UNC80: variants seen among roughly 807,000 people sequenced by gnomAD.
UNC80 encodes unc-80 subunit of NALCN channel complex.
UNC80 carries 164 observed loss-of-function variants against 384.6 expected under a neutral mutation model. The ratio of observed to expected loss-of-function variants is 0.43; its 90% CI spans 0.38 to 0.49. The LOEUF is 0.49. Among genes scored for constraint, UNC80 ranks in the 20% least tolerant of loss-of-function variants. The pLI is 0.00. For synonymous variants in UNC80, 1,486 were observed against 1,527.8 expected (o/e 0.97, Z 0.64); for missense variants, 3,330 against 4,143.0 (o/e 0.80, Z 5.39).
At chr2:209,965,124 G>A (rs893193791) in intron 51 of UNC80, among the ~76,000 whole-genome samples, 3 of 151,904 alleles carry the variant, frequency 2.0e-5, no homozygotes, top group Non-Finnish European at 4.4e-5. Context: ...GGGAGTGTTT[G>A]GGGGTATAAG....
intron 50 of UNC80, 67 bp from the exon 51 acceptor site, chr2:209,959,422 C>A: frequency 1.4e-6 from 2 of 1,434,732 alleles, no homozygotes; most frequent in Non-Finnish European, 1.9e-6. Context: ...CAGTGTGATA[C>A]CCTCTTCTCA....
Position 209,995,431 on chromosome 2 carries a change from G to T in UNC80, c.9811G>T (p.Asp3271Tyr). The change falls in exon 65 of 65, where the codon GAC becomes TAC. Residue 3271 changes from aspartate (D) to tyrosine (Y), a missense_variant. Asp to Tyr is a radical substitution (Grantham distance 160). Coordinates refer to ENST00000673920, the MANE Select transcript of UNC80 (RefSeq NM_001371986.1). ...PLSAQLSDPD[D>Y]FTGLETSSLL... ...CTCTGCCCAACTCTCTGACCCTGAT[G>T]ACTTCACAGGCCTCGAGACATCCAG... 1.9e-6 allele frequency: 3 copies of T among 1,551,904 alleles called. No individual in the cohort carries two copies. Among genetic ancestry groups the T allele is most frequent in the Non-Finnish European group, 1.7e-6 (2 of 1,147,040 alleles).
intron 23 of UNC80, among the ~76,000 whole-genome samples, chr2:209,875,035 A>G (rs1218438222): frequency 2.0e-5 from 3 of 152,066 alleles, no homozygotes; most frequent in Non-Finnish European, 4.4e-5. Context: ...CATCTCGATG[A>G]TTAAACTTTT....
chr2:209,920,247 C>G (rs1489144375), intron 33 of UNC80, among the ~76,000 whole-genome samples: 2 of 152,186 alleles, frequency 1.3e-5, no homozygotes, highest in Non-Finnish European at 2.9e-5. Flanking sequence ...TAAGATCCTC[C>G]ATAAAGGGAT....
intron 25 of UNC80, among the ~76,000 whole-genome samples, chr2:209,886,325 C>A (rs1376253949): frequency 6.6e-6 from 1 of 151,752 alleles, no homozygotes; most frequent in African/African-American, 2.4e-5. Flanking sequence ...TGGCTGCAAT[C>A]CCAACACTTT....
intron 61 of UNC80, among the ~76,000 whole-genome samples, chr2:209,990,525 A>G (rs2093372547): frequency 6.6e-6 from 1 of 152,196 alleles, no homozygotes; most frequent in Admixed American, 6.5e-5. Context: ...TGAAAAATCC[A>G]TTCCAATGAA....
chr2:209,976,297 G>T lies in UNC80; in HGVS notation c.8766G>T (p.Gln2922His). The change falls in exon 57 of 65, where the codon CAG becomes CAT. Residue 2922 changes from glutamine to histidine, a missense_variant. Physicochemically the swap from Gln to His is conservative, Grantham distance 24. Transcript: ENST00000673920. This position sits in a 1 kb window ranked among gnomAD's most constrained non-coding sequence, Gnocchi z 4.3. The part of the protein sequence containing the change: ...PIFVLLRPFI[Q>H]CKLLAQPAEN... Reference sequence around the variant, plus strand: ...TTGTGCTTTTGCGCCCTTTCATCCAGTGCAAGGTGTGGTGTGTGCTTCTCC... The same window carrying T: ...TTGTGCTTTTGCGCCCTTTCATCCATTGCAAGGTGTGGTGTGTGCTTCTCC... The T allele has an allele frequency of 6.4e-7, 1 of 1,551,774 alleles. No individual in the cohort carries two copies. The highest frequency in any genetic ancestry group is 1.7e-4 in the Middle Eastern group (1 of 5,992).
intron 43 of UNC80, among the ~76,000 whole-genome samples, chr2:209,940,258 G>A (rs892017107): frequency 6.6e-6 from 1 of 152,130 alleles, no homozygotes; most frequent in Non-Finnish European, 1.5e-5. Context: ...TGGAGGGAAT[G>A]AATTTCCTGG....
At chr2:209,911,242 A>G (rs1421813846) in intron 29 of UNC80, among the ~76,000 whole-genome samples, 1 of 152,168 alleles carries the variant, frequency 6.6e-6, no homozygotes, top group Non-Finnish European at 1.5e-5. Context: ...ATACACCTCC[A>G]TATTAATGTG....
At chr2:209,849,073 G>A (rs1407144214) in intron 21 of UNC80, among the ~76,000 whole-genome samples, 1 of 152,052 alleles carries the variant, frequency 6.6e-6, no homozygotes, top group East Asian at 1.9e-4. Flanking sequence ...TCAATTTGTT[G>A]TAACAGATCT....
At chr2:209,941,061 A>G (rs976595731) in intron 43 of UNC80, among the ~76,000 whole-genome samples, 160 bp from the exon 44 acceptor site, 5 of 152,196 alleles carry the variant, frequency 3.3e-5, no homozygotes, top group African/African-American at 1.2e-4. Flanking sequence ...GTGCTGTATC[A>G]AGGCCAGTAA....
intron 52 of UNC80, 192 bp downstream of exon 52, chr2:209,967,829 TTAAAAG>T: frequency 1.8e-6 from 1 of 554,630 alleles, no homozygotes; most frequent in South Asian, 2.4e-5. Context: ...AACATTTTCT[TTAAAAG>T]TATATGTGCT....
rs751904818 is a variant in UNC80, at chr2:209,912,618, A to G, written c.4841A>G (p.Asn1614Ser). Residue 1614 changes from asparagine to serine, a missense_variant, in exon 30 of 65, where the codon AAT (asparagine) becomes AGT (serine). By Grantham distance (46) the Asn-to-Ser change is conservative (BLOSUM62 1). This residue lies in a region of UNC80 where 801 missense variants were observed against 950.8 expected (regional missense o/e 0.84). Transcript: ENST00000673920. Reference protein sequence around the residue: ...PSLKKRVSDANLEGKKDSGML... With the variant: ...PSLKKRVSDASLEGKKDSGML... ...CTAAAGAAGAGAGTTTCAGATGCCAATCTGGAAGGAAAAAAAGATTCCGGA... is the reference window on the plus strand; with the variant it reads ...CTAAAGAAGAGAGTTTCAGATGCCAGTCTGGAAGGAAAAAAAGATTCCGGA... The G allele has an allele frequency of 1.0e-5, 16 of 1,551,490 alleles. No individual in the cohort carries two copies. The highest frequency in any genetic ancestry group is 2.4e-5 in the South Asian group (2 of 84,038).
At chr2:209,903,250 T>C (rs2087636601) in intron 28 of UNC80, among the ~76,000 whole-genome samples, 1 of 142,994 alleles carries the variant, frequency 7.0e-6, no homozygotes, top group Middle Eastern at 3.4e-3. Context: ...AATCCACGGA[T>C]ACAGAAACCA....
intron 29 of UNC80, among the ~76,000 whole-genome samples, chr2:209,906,149 A>G (rs1157579384): frequency 6.6e-6 from 1 of 152,182 alleles, no homozygotes. Context: ...GGTAAGAGAT[A>G]ATATGTACAT....
chr2:209,992,822 G>T (rs567623161), intron 62 of UNC80, among the ~76,000 whole-genome samples: 6 of 152,204 alleles, frequency 3.9e-5, no homozygotes, highest in Non-Finnish European at 8.8e-5. Flanking sequence ...ATCATCTTTA[G>T]AGATTTCCTT....
intron 61 of UNC80, among the ~76,000 whole-genome samples, chr2:209,986,352 T>C (rs923332323): frequency 1.3e-5 from 2 of 152,156 alleles, no homozygotes; most frequent in African/African-American, 4.8e-5. Context: ...CTACTCTTGA[T>C]GAGTAAGGAT....
chr2:209,939,370 C>T, intron 42 of UNC80, 102 bp from the exon 43 acceptor site: 1 of 1,227,688 alleles, frequency 8.1e-7, no homozygotes, highest in Non-Finnish European at 1.1e-6. Flanking sequence ...CCGACTTTAT[C>T]AACCCAGTTT....
intron 7 of UNC80, among the ~76,000 whole-genome samples, chr2:209,807,707 A>G (rs990664439): frequency 2.0e-5 from 3 of 146,390 alleles, no homozygotes; most frequent in Non-Finnish European, 1.5e-5. Flanking sequence ...TATTTCTCAC[A>G]TGTTAGTCTG....
Sources: allele counts gnomAD v4.1 joint callset (sites outside exome capture counted in the v4.1 genomes callset), GRCh38; gene constraint gnomAD v4.1.1; regional missense constraint gnomAD v4.1.1; non-coding constraint Gnocchi (gnomAD v3.1); transcripts MANE v1.5; gene names NCBI Gene and HGNC (gene_info 2026-07-23, HGNC 2026-07-21).